The following DCLK1 variants were observed in gnomAD, a reference collection of about 807,000 sequenced individuals.
DCLK1 encodes doublecortin like kinase 1, also known as serine/threonine-protein kinase DCLK1.
In DCLK1, 16 loss-of-function variants were observed where a neutral mutation model predicts 86.2. The observed-to-expected ratio is 0.19, with a 90% CI of 0.13 to 0.28. The LOEUF (loss-of-function observed/expected upper bound fraction) is 0.28. Ranked by LOEUF, DCLK1 falls within the 10% of genes least tolerant of loss-of-function variation. The probability of loss-of-function intolerance (pLI) is 1.00; values close to 1 mark genes in which losing one functional copy is unlikely to be tolerated. For missense variants in DCLK1, 590 were observed against 940.2 expected, an observed-to-expected ratio of 0.63 and a Z score of 4.87; for synonymous variants, 369 against 370.5, an observed-to-expected ratio of 1.00 and a Z score of 0.05.
intron 3 of DCLK1, among the ~76,000 whole-genome samples, chr13:36,000,344 T>C (rs1880658333): frequency 6.6e-6 from 1 of 152,128 alleles, no homozygotes; most frequent in Admixed American, 6.6e-5. Flanking sequence ...AAGAACACTC[T>C]CTGGCATGTC....
chr13:35,867,628 A>T (rs1483751259), intron 5 of DCLK1, among the ~76,000 whole-genome samples: 1 of 152,224 alleles, frequency 6.6e-6, no homozygotes, highest in East Asian at 1.9e-4. Flanking sequence ...ATACAAGTAC[A>T]TTTAATATAT....
intron 4 of DCLK1, among the ~76,000 whole-genome samples, chr13:35,941,010 G>C (rs1877050177): frequency 6.6e-6 from 1 of 152,072 alleles, no homozygotes; most frequent in African/African-American, 2.4e-5. Context: ...TCTCATTTGA[G>C]GTCCGTTACA....
chr13:36,130,110 C>T (rs1175995963), intron 1 of DCLK1, among the ~76,000 whole-genome samples: 1 of 152,080 alleles, frequency 6.6e-6, no homozygotes, highest in Non-Finnish European at 1.5e-5. Flanking sequence ...CCACCACGGA[C>T]GTAGACATCA....
chr13:35,855,562 C>T (rs765862984), intron 5 of DCLK1: 40 of 1,595,884 alleles, frequency 2.5e-5, no homozygotes, highest in Non-Finnish European at 3.0e-5. Context: ...TGAATACCAA[C>T]GGCGGAATCC....
intron 6 of DCLK1, chr13:35,850,814 C>G (rs775975886): frequency 6.5e-7 from 1 of 1,544,864 alleles, no homozygotes; most frequent in Non-Finnish European, 8.7e-7. Flanking sequence ...GTTTACTCGG[C>G]TTTCTTGGGT....
intron 8 of DCLK1, among the ~76,000 whole-genome samples, chr13:35,830,013 TA>T (rs767005753): frequency 3.3e-5 from 5 of 152,128 alleles, no homozygotes; most frequent in Non-Finnish European, 7.3e-5. Context: ...TGTTCCCACA[TA>T]AACACTAGAC....
intron 2 of DCLK1, among the ~76,000 whole-genome samples, chr13:36,116,839 G>A (rs1425040461): frequency 1.3e-5 from 2 of 152,182 alleles, no homozygotes; most frequent in Non-Finnish European, 2.9e-5. Context: ...CAACTGAACT[G>A]AATTAAATTA....
chr13:35,852,728 G>A (rs892385409), intron 6 of DCLK1, among the ~76,000 whole-genome samples: 10 of 152,146 alleles, frequency 6.6e-5, no homozygotes, highest in Non-Finnish European at 1.2e-4. Context: ...CAGAAGAAGC[G>A]AATTCTAGCC....
chr13:35,830,184 G>T, intron 8 of DCLK1, among the ~76,000 whole-genome samples: 1 of 152,126 alleles, frequency 6.6e-6, no homozygotes, highest in South Asian at 2.1e-4. Context: ...TCAGGAGTTC[G>T]AGACCAGCCT....
chr13:36,088,055 T>C (rs1294787301), intron 3 of DCLK1, among the ~76,000 whole-genome samples: 3 of 152,236 alleles, frequency 2.0e-5, no homozygotes, highest in Non-Finnish European at 4.4e-5. Context: ...TCCTGTTTCT[T>C]CATCATTGAA....
At chr13:35,933,020 C>T (rs1453377223) in intron 4 of DCLK1, among the ~76,000 whole-genome samples, 1 of 152,168 alleles carries the variant, frequency 6.6e-6, no homozygotes, top group Non-Finnish European at 1.5e-5. Context: ...GGGGTACGGG[C>T]ACTGGGTAAA....
intron 3 of DCLK1, among the ~76,000 whole-genome samples, chr13:35,967,329 CCCAACAG>C (rs1475253463): frequency 6.6e-6 from 1 of 152,134 alleles, no homozygotes; most frequent in Non-Finnish European, 1.5e-5. Flanking sequence ...GGGAGGTGTA[CCCAACAG>C]CTCATTGAGA....
intron 16 of DCLK1, among the ~76,000 whole-genome samples, chr13:35,781,231 C>T (rs1000229934): frequency 6.6e-6 from 1 of 152,164 alleles, no homozygotes; most frequent in South Asian, 2.1e-4. Context: ...TAAGTTTAAT[C>T]CCCTTGGAAG....
rs112652956 is a variant in DCLK1, at chr13:35,919,607, A to G, written c.823+27751T>C. ...CTCTCCCAGACTCCTCTCTTTTTCCAGAAGACACTACAGCATAATGGTTAG... is the reference window on the plus strand; with the variant it reads ...CTCTCCCAGACTCCTCTCTTTTTCCGGAAGACACTACAGCATAATGGTTAG... On this transcript the variant is annotated intron_variant, in intron 4 of 16. Coordinates refer to ENST00000360631, the MANE Select transcript of DCLK1 (RefSeq NM_001330071.2). Among the ~76,000 whole-genome samples the G allele has an allele frequency of 5.0e-3, 755 of 152,168 alleles. 5 individuals are homozygous for G. The highest frequency in any genetic ancestry group is 0.014 in the Middle Eastern group (4 of 294).
intron 3 of DCLK1, among the ~76,000 whole-genome samples, chr13:35,977,977 T>A (rs1288498931): frequency 6.6e-6 from 1 of 152,102 alleles, no homozygotes; most frequent in Admixed American, 6.5e-5. Context: ...AGTATTCAAA[T>A]GTCAGCTTTC....
intron 4 of DCLK1, among the ~76,000 whole-genome samples, chr13:35,917,500 C>G (rs1566601839): frequency 6.6e-6 from 1 of 152,154 alleles, no homozygotes; most frequent in Non-Finnish European, 1.5e-5. Context: ...TCCCGTCCTA[C>G]CTCTAAACAC....
intron 4 of DCLK1, among the ~76,000 whole-genome samples, chr13:35,872,831 A>G (rs913454235): frequency 4.6e-5 from 7 of 152,158 alleles, no homozygotes; most frequent in African/African-American, 1.7e-4. Flanking sequence ...ATATAAACAC[A>G]TATATACATA....
At chr13:36,018,012 A>T (rs1041525281) in intron 3 of DCLK1, among the ~76,000 whole-genome samples, 1 of 152,088 alleles carries the variant, frequency 6.6e-6, no homozygotes, top group Non-Finnish European at 1.5e-5. Flanking sequence ...TAATAACATC[A>T]CTCAGTTCTT....
In DCLK1 at chr13:36,049,244, G is replaced by A. The variant is rs533540188; in HGVS notation, c.723+62625C>T. On this transcript the variant is annotated intron_variant, in intron 3 of 16. Coordinates refer to ENST00000360631, the MANE Select transcript of DCLK1 (RefSeq NM_001330071.2). ...TTTTAGATTGTTTAGTACTGCACCT[G>A]ACCATATCAAGTAAGTGTGGCTGCT... is the stretch of plus-strand genomic sequence containing the variant. 2.0e-5 allele frequency among the ~76,000 whole-genome samples: 3 copies of A among 152,244 alleles called. No homozygotes were observed. The East Asian group carries it at 5.8e-4, about 29-fold the overall frequency.
Sources: gnomAD v4.1 joint callset for allele counts (sites outside exome capture counted in the v4.1 genomes callset) on GRCh38, gnomAD v4.1.1 for gene constraint, MANE v1.5 for transcripts, NCBI Gene and HGNC (gene_info 2026-07-23, HGNC 2026-07-21) for gene names.